CDH18: variants seen among roughly 807,000 people sequenced by gnomAD.
CDH18 encodes cadherin-18.
Under a neutral mutation model 67.9 loss-of-function variants are expected in CDH18, and 31 were observed. The observed-to-expected ratio is 0.46, with a 90% confidence interval of 0.34 to 0.62. CDH18 has a LOEUF of 0.62. CDH18 is among the 20% of genes least tolerant of loss of function. The pLI, the probability that CDH18 is intolerant of heterozygous loss-of-function variation, is 0.01. For synonymous variants in CDH18, 362 were observed against 347.2 expected (o/e 1.04, Z -0.48); for missense variants, 890 against 975.5 (o/e 0.91, Z 1.17).
At chr5:19,955,202 C>T (rs1796149848) in intron 2 of CDH18, among the ~76,000 whole-genome samples, 1 of 152,018 alleles carries the variant, frequency 6.6e-6, no homozygotes, top group Non-Finnish European at 1.5e-5. Flanking sequence ...CCCAGTTATG[C>T]TGAACTGTGA....
intron 1 of CDH18, among the ~76,000 whole-genome samples, chr5:20,447,649 C>T (rs560884697): frequency 3.5e-4 from 53 of 152,262 alleles, no homozygotes; most frequent in East Asian, 1.2e-3. Context: ...GCTGTCCTCC[C>T]GCAATATCTT....
intron 4 of CDH18, among the ~76,000 whole-genome samples, chr5:19,723,526 TA>T (rs1284104873): frequency 1.3e-5 from 2 of 152,114 alleles, no homozygotes; most frequent in Non-Finnish European, 2.9e-5. Context: ...GTGTTATGTC[TA>T]AAAGAGATTT....
At chr5:20,260,197 C>A (rs1170151740) in intron 1 of CDH18, among the ~76,000 whole-genome samples, 1 of 151,438 alleles carries the variant, frequency 6.6e-6, no homozygotes, top group Non-Finnish European at 1.5e-5. Flanking sequence ...GTCCCCAACA[C>A]TTCTGAAATG....
At chr5:19,603,477 T>C (rs1265163817) in intron 6 of CDH18, among the ~76,000 whole-genome samples, 1 of 152,126 alleles carries the variant, frequency 6.6e-6, no homozygotes, top group Non-Finnish European at 1.5e-5. Context: ...CGTAGTGTTA[T>C]TTAAATGCAC....
intron 2 of CDH18, among the ~76,000 whole-genome samples, chr5:19,963,662 C>A (rs904060324): frequency 6.6e-6 from 1 of 152,046 alleles, no homozygotes; most frequent in African/African-American, 2.4e-5. Flanking sequence ...GAGGCCTCCC[C>A]AGCCATGCTG....
intron 2 of CDH18, among the ~76,000 whole-genome samples, chr5:19,962,395 A>AAAAAAAAGAAAAAAAT (rs58319680): frequency 8.5e-6 from 1 of 117,058 alleles, no homozygotes; most frequent in Non-Finnish European, 1.7e-5. Context: ...AAAAAAAAAA[A>AAAAAAAAGAAAAAAAT]AGAAAATTCA....
chr5:19,565,668 T>C (rs544560176), intron 8 of CDH18, among the ~76,000 whole-genome samples: 1 of 152,284 alleles, frequency 6.6e-6, no homozygotes, highest in African/African-American at 2.4e-5. Flanking sequence ...TGCATATCCA[T>C]ATACACATAA....
At chr5:20,541,247 T>A (rs1757032826) in intron 1 of CDH18, among the ~76,000 whole-genome samples, 1 of 152,160 alleles carries the variant, frequency 6.6e-6, no homozygotes, top group Admixed American at 6.6e-5. Flanking sequence ...GTCTTCCTCT[T>A]AAAAATGTCT....
At chr5:19,665,705 C>A (rs919750412) in intron 5 of CDH18, among the ~76,000 whole-genome samples, 1 of 152,060 alleles carries the variant, frequency 6.6e-6, no homozygotes, top group Admixed American at 6.6e-5. Context: ...AAATGAAAAT[C>A]ATTTCTCATG....
At chr5:19,970,445 G>T (rs1258396150) in intron 2 of CDH18, among the ~76,000 whole-genome samples, 1 of 151,238 alleles carries the variant, frequency 6.6e-6, no homozygotes, top group Non-Finnish European at 1.5e-5. Context: ...TTACACTTTT[G>T]CAGGAATATT....
intron 1 of CDH18, among the ~76,000 whole-genome samples, chr5:20,570,692 G>C (rs1016536527): frequency 1.3e-5 from 2 of 152,132 alleles, no homozygotes; most frequent in South Asian, 2.1e-4. Context: ...AGCAGGGCTG[G>C]CTCAAGGATG....
intron 10 of CDH18, among the ~76,000 whole-genome samples, chr5:19,517,394 T>C (rs549077479): frequency 1.3e-3 from 194 of 152,230 alleles, no homozygotes; most frequent in East Asian, 2.9e-3. Context: ...TTTGTCTTTT[T>C]TTTATCATCT....
At chr5:20,094,999 T>C (rs187469491) in intron 2 of CDH18, among the ~76,000 whole-genome samples, 1 of 152,160 alleles carries the variant, frequency 6.6e-6, no homozygotes, top group East Asian at 1.9e-4. Context: ...GTTCATATCC[T>C]TTTCAGGGAC....
At chr5:19,754,007 C>T (rs754875098) in intron 3 of CDH18, among the ~76,000 whole-genome samples, 13 of 151,968 alleles carry the variant, frequency 8.6e-5, no homozygotes, top group Admixed American at 7.2e-4. Context: ...ATCCTTGAAA[C>T]GCATCAAAAC....
At chr5:19,960,709 ATG>A (rs1418207992) in intron 2 of CDH18, among the ~76,000 whole-genome samples, 8 of 120,100 alleles carry the variant, frequency 6.7e-5, no homozygotes, top group African/African-American at 4.7e-4. Flanking sequence ...ATATGTATAT[ATG>A]TATACACGTG....
In CDH18 at chr5:19,747,181, T is replaced by C; in HGVS notation, c.284A>G (p.Glu95Gly). 6.2e-7 allele frequency: 1 copy of C among 1,614,008 alleles called. No homozygotes were observed. The highest frequency in any genetic ancestry group is 8.5e-7 in the Non-Finnish European group (1 of 1,179,890). ...DGSVKYILTG[E>G]GAGTIFIIDD... ...AATGATAAATATAGTCCCAGCACCC[T>C]CTCCAGTAAGGATGTACTTGACAGA... Residue 95 changes from glutamate (E) to glycine (G), a missense_variant, in exon 4 of 13, where the codon GAG becomes GGG. Around this residue, in one of 2 missense-constraint regions of CDH18, gnomAD observed 234 missense variants for 307.4 expected, o/e 0.76. Coordinates refer to ENST00000382275, the MANE Select transcript of CDH18 (RefSeq NM_004934.5).
chr5:19,777,414 T>C (rs1774521599), intron 3 of CDH18, among the ~76,000 whole-genome samples: 2 of 152,218 alleles, frequency 1.3e-5, no homozygotes. Flanking sequence ...GCAATCCAGT[T>C]TGGGTAGGTT....
At chr5:19,621,243 A>T (rs950071755) in intron 5 of CDH18, among the ~76,000 whole-genome samples, 1 of 150,560 alleles carries the variant, frequency 6.6e-6, no homozygotes, top group Admixed American at 6.6e-5. Context: ...GGATGTAGAA[A>T]TTGATGTTTC....
At chr5:19,941,894 A>T (rs551239144) in intron 2 of CDH18, among the ~76,000 whole-genome samples, 1 of 152,158 alleles carries the variant, frequency 6.6e-6, no homozygotes, top group Non-Finnish European at 1.5e-5. Flanking sequence ...TCATAAATGA[A>T]GCTAGTTGAA....
Sources: allele counts gnomAD v4.1 joint callset (sites outside exome capture counted in the v4.1 genomes callset), GRCh38; gene constraint gnomAD v4.1.1; regional missense constraint gnomAD v4.1.1; transcripts MANE v1.5; gene names NCBI Gene and HGNC (gene_info 2026-07-23, HGNC 2026-07-21).